COG5: variants seen among roughly 807,000 people sequenced by gnomAD.
COG5 encodes component of oligomeric golgi complex 5.
A neutral mutation model predicts 110.4 loss-of-function variants in COG5; 86 were observed. The ratio of observed to expected loss-of-function variants is 0.78; its 90% CI spans 0.65 to 0.93. The LOEUF (loss-of-function observed/expected upper bound fraction) is 0.93. COG5 is among the 40% of genes least tolerant of loss of function. The pLI, the probability that COG5 is intolerant of heterozygous loss-of-function variation, is 0.00. For missense variants in COG5, 1,077 were observed against 987.0 expected (o/e 1.09, Z -1.22); for synonymous variants, 360 against 334.6 (o/e 1.08, Z -0.83).
intron 6 of COG5, among the ~76,000 whole-genome samples, chr7:107,415,750 GTA>G (rs1563020823): frequency 6.9e-6 from 1 of 145,802 alleles, no homozygotes. Context: ...ATACATGTAT[GTA>G]TATATGTATG....
At chr7:107,537,531 C>G (rs1475328706) in intron 5 of COG5, among the ~76,000 whole-genome samples, 6 of 151,894 alleles carry the variant, frequency 4.0e-5, no homozygotes, top group Admixed American at 2.0e-4. Context: ...TCAGTGGGAG[C>G]TGAACAATGA....
chr7:107,392,603 T>A (rs1405129351), intron 7 of COG5, among the ~76,000 whole-genome samples: 1 of 151,994 alleles, frequency 6.6e-6, no homozygotes, highest in Admixed American at 6.5e-5. Flanking sequence ...GAGTTTTCTG[T>A]TTCACTAAGA....
chr7:107,367,878 T>C (rs1813772195), intron 8 of COG5, among the ~76,000 whole-genome samples: 1 of 151,918 alleles, frequency 6.6e-6, no homozygotes, highest in African/African-American at 2.4e-5. Flanking sequence ...ACTTCACCAC[T>C]ATACAATTCA....
intron 10 of COG5, among the ~76,000 whole-genome samples, chr7:107,326,566 G>C (rs1410147557): frequency 6.6e-6 from 1 of 151,972 alleles, no homozygotes; most frequent in Non-Finnish European, 1.5e-5. Flanking sequence ...GTATCCAAAA[G>C]AATACTTAAG....
intron 6 of COG5, among the ~76,000 whole-genome samples, chr7:107,523,570 TTTG>T (rs1800489154): frequency 6.6e-6 from 1 of 152,114 alleles, no homozygotes; most frequent in African/African-American, 2.4e-5. Context: ...ATCCCAGCAC[TTTG>T]GGAGGCCGAG....
intron 17 of COG5, 77 bp from the exon 18 acceptor site, chr7:107,236,764 C>T: frequency 1.1e-6 from 1 of 903,024 alleles, no homozygotes; most frequent in East Asian, 2.4e-5. Context: ...CTCTCCCCAC[C>T]AATGCTGCTA....
At chr7:107,234,506 T>C (rs1801014898) in intron 18 of COG5, among the ~76,000 whole-genome samples, 2 of 152,188 alleles carry the variant, frequency 1.3e-5, no homozygotes, top group African/African-American at 4.8e-5. Context: ...ACTTTCCATC[T>C]TTCAGGACCC....
chr7:107,527,144 T>C, intron 6 of COG5, 93 bp downstream of exon 6: 1 of 1,175,646 alleles, frequency 8.5e-7, no homozygotes. Flanking sequence ...TAATAGTACT[T>C]GCTAATGGTG....
intron 7 of COG5, among the ~76,000 whole-genome samples, chr7:107,389,755 A>T (rs1405347945): frequency 6.6e-6 from 1 of 152,124 alleles, no homozygotes; most frequent in African/African-American, 2.4e-5. Context: ...ATTTGGGCCG[A>T]TGGGGGGATG....
intron 10 of COG5, among the ~76,000 whole-genome samples, chr7:107,330,612 G>A (rs968715831): frequency 6.6e-5 from 10 of 152,236 alleles, no homozygotes; most frequent in South Asian, 4.1e-4. Flanking sequence ...AAATTTTCAT[G>A]CTAACTTTAT....
intron 7 of COG5, among the ~76,000 whole-genome samples, chr7:107,409,230 G>GAAAAAAA (rs11366303): frequency 8.6e-5 from 9 of 104,964 alleles, no homozygotes; most frequent in East Asian, 5.4e-4. Context: ...CAACGTCAAG[G>GAAAAAAA]AAAAAAAAAA....
intron 5 of COG5, among the ~76,000 whole-genome samples, chr7:107,541,679 T>C (rs1802049961): frequency 6.6e-6 from 1 of 150,906 alleles, no homozygotes; most frequent in Admixed American, 6.6e-5. Context: ...ACACCTGTAA[T>C]CCCAGCACTT....
intron 6 of COG5, chr7:107,475,293 C>A (rs1358139177): frequency 2.5e-6 from 4 of 1,590,252 alleles, no homozygotes; most frequent in Admixed American, 1.8e-5. Flanking sequence ...CTAAAAGAAA[C>A]AAAAAAATTA....
At chr7:107,410,979 A>G (rs933852962) in intron 7 of COG5, among the ~76,000 whole-genome samples, 2 of 152,210 alleles carry the variant, frequency 1.3e-5, no homozygotes, top group Admixed American at 6.5e-5. Flanking sequence ...TGTGAGCCCA[A>G]CGTATGAGAA....
intron 11 of COG5, among the ~76,000 whole-genome samples, chr7:107,311,587 G>A (rs1466092646): frequency 6.7e-5 from 10 of 149,484 alleles, no homozygotes; most frequent in Non-Finnish European, 1.2e-4. Flanking sequence ...TAGAGACGGG[G>A]TTTCACCTTG....
intron 7 of COG5, among the ~76,000 whole-genome samples, chr7:107,396,409 T>C (rs944921452): frequency 1.3e-5 from 2 of 151,902 alleles, no homozygotes; most frequent in East Asian, 3.9e-4. Flanking sequence ...AAAATTAAGA[T>C]ACTAAAAAGG....
In COG5 at chr7:107,294,453, G is replaced by GC. The variant is rs201486917; in HGVS notation, c.1313+3688dup. On this transcript the variant is annotated intron_variant, in intron 12 of 21. Transcript: ENST00000297135. ...CTTCCACTTCTCCAACTCTGTGCTG[G>GC]CCCCCCCTAAGTTGTCTACATAGCA... Among the ~76,000 whole-genome samples, 268 of 151,918 alleles carry GC rather than the reference G, an allele frequency of 1.8e-3. 1 individual carries two copies. The highest frequency in any genetic ancestry group is 6.0e-3 in the African/African-American group (247 of 41,440).
At chr7:107,268,250 G>A (rs920860160) in intron 14 of COG5, among the ~76,000 whole-genome samples, 1 of 152,184 alleles carries the variant, frequency 6.6e-6, no homozygotes, top group African/African-American at 2.4e-5. Flanking sequence ...TTACAGGCGT[G>A]AGCCACTGCA....
At chr7:107,347,386 G>T (rs890997604) in intron 10 of COG5, among the ~76,000 whole-genome samples, 1 of 152,120 alleles carries the variant, frequency 6.6e-6, no homozygotes. Context: ...TAGACACAAA[G>T]CAAGAAGATA....
Sources: gnomAD v4.1 joint callset for allele counts (sites outside exome capture counted in the v4.1 genomes callset) on GRCh38, gnomAD v4.1.1 for gene constraint, MANE v1.5 for transcripts, NCBI Gene and HGNC (gene_info 2026-07-23, HGNC 2026-07-21) for gene names.